DDX11: variants seen among roughly 807,000 people sequenced by gnomAD.
The protein encoded by DDX11 is DEAD/H-box helicase 11, also known as ATP-dependent DNA helicase DDX11.
In DDX11, 72 loss-of-function variants were observed where a neutral mutation model predicts 125.2. The observed-to-expected ratio is 0.58, with a 90% CI of 0.48 to 0.70. DDX11 has a LOEUF of 0.70. Among genes scored for constraint, DDX11 ranks in the 30% least tolerant of loss-of-function variants. The pLI is 0.00. For synonymous variants in DDX11, 347 were observed against 452.6 expected (o/e 0.77, Z 2.96); for missense variants, 883 against 1,165.0 (o/e 0.76, Z 3.52).
intron 5 of DDX11, among the ~76,000 whole-genome samples, chr12:31,086,760 C>A (rs189806214): frequency 1.4e-5 from 2 of 144,522 alleles, no homozygotes; most frequent in Non-Finnish European, 3.0e-5. Flanking sequence ...CAGGAGATAA[C>A]GTGAGCCTCG....
chr12:31,093,001 G>A lies in DDX11; in HGVS notation c.1289+109G>A, dbSNP rs573592859. On this transcript the variant is annotated intron_variant, in intron 11 of 26. Coordinates refer to ENST00000542838, the MANE Select transcript of DDX11 (RefSeq NM_030653.4). ...TCCCACCTCTGGCCCGGGCTGTGGC[G>A]GGGTGGAGCTGCATGCCATTCATGT... 188 of 1,332,666 alleles carry A rather than the reference G, an allele frequency of 1.4e-4. No homozygotes were observed. The African/African-American group carries it at 1.9e-3, about 14-fold the overall frequency. 82.6% of individuals were successfully genotyped at this position (1,332,666 alleles called of 1,614,324 possible).
Position 31,103,646 on chromosome 12 carries a change from C to G in DDX11, c.2606C>G (p.Pro869Arg). Reference protein sequence around the residue: ...VLLDQRYARPPVLAKLPAWIR... With the variant: ...VLLDQRYARPRVLAKLPAWIR... ...CTGGACCAGCGATATGCCCGGCCCCCTGTCCTGGCCAAGCTGCCGGCCTGG... is the reference window on the plus strand; with the variant it reads ...CTGGACCAGCGATATGCCCGGCCCCGTGTCCTGGCCAAGCTGCCGGCCTGG... Residue 869 changes from proline (P) to arginine (R), a missense_variant, in exon 26 of 27, where the codon CCT (proline) becomes CGT (arginine). This residue lies in a region of DDX11 where 285 missense variants were observed against 346.0 expected (regional missense o/e 0.82). Transcript: ENST00000542838. 1.9e-6 allele frequency: 3 copies of G among 1,614,136 alleles called. No homozygotes were observed. Among genetic ancestry groups the G allele is most frequent in the Non-Finnish European group, 2.5e-6 (3 of 1,180,034 alleles).
intron 5 of DDX11, among the ~76,000 whole-genome samples, chr12:31,087,110 C>T (rs1323041115): frequency 1.3e-5 from 2 of 150,026 alleles, no homozygotes; most frequent in African/African-American, 5.0e-5. Context: ...AGCTTCAGGC[C>T]ATGGGATGCA....
In DDX11 at chr12:31,103,937, G is replaced by A; in HGVS notation, c.*101G>A. Reference sequence around the variant, plus strand: ...TGGTCTGCGGGGATCCTGTTACAAAGGTGAAACCCAGGAGGAGAGTGTGGA... The same window carrying A: ...TGGTCTGCGGGGATCCTGTTACAAAAGTGAAACCCAGGAGGAGAGTGTGGA... On this transcript the variant is annotated 3_prime_UTR_variant, in exon 27 of 27. Coordinates refer to ENST00000542838, the MANE Select transcript of DDX11 (RefSeq NM_030653.4). 6.2e-7 allele frequency: 1 copy of A among 1,612,220 alleles called. No homozygotes were observed. The highest frequency in any genetic ancestry group is 1.1e-5 in the South Asian group (1 of 90,836).
rs1026137682 is a variant in DDX11 at position 31,073,894 on chromosome 12, C to G, written c.-202C>G. 6.6e-6 allele frequency: 1 copy of G among 152,274 alleles called. No homozygotes were observed. Among genetic ancestry groups the G allele is most frequent in the African/African-American group, 2.4e-5 (1 of 41,472 alleles). The allele number at this position is 152,274 out of a possible 1,614,324, so 9.4% of individuals were successfully genotyped here. A position where few individuals can be genotyped will look rare whatever the true frequency, so the allele number is the denominator to read the frequency against. ...GCTGCCTTTCACTGAGGGGACCCGC[C>G]AGTTTCTAACTCAGTGGCGTTTGCC... On this transcript the variant is annotated 5_prime_UTR_variant, in exon 1 of 27. Transcript: ENST00000542838.
At chr12:31,088,438 C>A (rs1176222489) in intron 6 of DDX11, among the ~76,000 whole-genome samples, 1 of 152,166 alleles carries the variant, frequency 6.6e-6, no homozygotes, top group Non-Finnish European at 1.5e-5. Context: ...GAGTCCCCTG[C>A]CCTTTGGGTC....
Position 31,090,092 on chromosome 12 carries a change from C to T in DDX11, c.1087C>T (p.Gln363Ter). Residue 363 changes from glutamine (Q) to a stop codon, truncating the protein, a stop_gained and splice_region_variant, in exon 9 of 27, where the codon CAG (glutamine) becomes TAG (stop). Coordinates refer to ENST00000542838, the MANE Select transcript of DDX11 (RefSeq NM_030653.4). LOFTEE classifies it high-confidence loss of function. ...GAGCCGCCTTGCCATCCCTGCAGCC[C>T]AGGTGAGGGCCCTGCAGGGCCAGAA... Reference protein sequence around the residue: ...YGSRLAIPAAQLVVLPYQMLL... With the variant: ...YGSRLAIPAA 6.5e-7 allele frequency: 1 copy of T among 1,545,494 alleles called. No individual in the cohort carries two copies. The highest frequency in any genetic ancestry group is 8.7e-7 in the Non-Finnish European group (1 of 1,143,070).
Position 31,093,235 on chromosome 12 carries a change from T to G in DDX11, c.1290-10T>G. ...GCACCACCACTTAATGTCCGTTGGCTTCTTCTCAGGAAGCGTTTGAAGGCC... is the reference window on the plus strand; with the variant it reads ...GCACCACCACTTAATGTCCGTTGGCGTCTTCTCAGGAAGCGTTTGAAGGCC... On this transcript the variant is annotated splice_polypyrimidine_tract_variant and intron_variant, in intron 11 of 26. Coordinates refer to ENST00000542838, the MANE Select transcript of DDX11 (RefSeq NM_030653.4). 1.9e-6 allele frequency: 3 copies of G among 1,611,530 alleles called. No homozygotes were observed. The highest frequency in any genetic ancestry group is 2.5e-6 in the Non-Finnish European group (3 of 1,178,598).
At chr12:31,086,258 T>C (rs61917214) in intron 5 of DDX11, 114 of 426,838 alleles carry the variant, frequency 2.7e-4, no homozygotes, top group African/African-American at 2.0e-3. Context: ...GTTTTGCTCA[T>C]GCACCTGCTT....
intron 1 of DDX11, chr12:31,077,082 G>C (rs1202968254): frequency 1.3e-5 from 2 of 152,172 alleles, no homozygotes; most frequent in African/African-American, 4.8e-5. Context: ...AAGTTATAAA[G>C]ATGGGCTCTC....
chr12:31,084,945 A>C (rs2543266), intron 4 of DDX11, 24 bp from the exon 5 acceptor site: 13 of 1,592,212 alleles, frequency 8.2e-6, no homozygotes, highest in African/African-American at 2.7e-5. Flanking sequence ...TTCCTCCCTC[A>C]CCACCTCCAC....
At chr12:31,076,014 C>A (rs921322414) in intron 1 of DDX11, among the ~76,000 whole-genome samples, 7 of 151,558 alleles carry the variant, frequency 4.6e-5, no homozygotes, top group African/African-American at 1.7e-4. Context: ...AGGAGGACTC[C>A]TTCTCCAGGC....
At chr12:31,087,606 C>T (rs2140634533) in intron 5 of DDX11, 1 of 415,818 alleles carries the variant, frequency 2.4e-6, no homozygotes, top group Non-Finnish European at 4.5e-6. Flanking sequence ...AAATATCCGC[C>T]CTGGGGCCTC....
rs755982708 is a variant in DDX11, at chr12:31,102,538, G to T, written c.2372+11G>T. 4 of 1,611,750 alleles carry T rather than the reference G, an allele frequency of 2.5e-6. No homozygotes were observed. In the South Asian group the frequency reaches 4.4e-5, roughly 18 times the overall value. On this transcript the variant is annotated intron_variant, in intron 23 of 26. Transcript: ENST00000542838. Reference sequence around the variant, plus strand: ...TGACAACCTAGGCCGGTAAGTAGTGGTTCTGCTCGTCTCCTGGGCCGTGAT... The same window carrying T: ...TGACAACCTAGGCCGGTAAGTAGTGTTTCTGCTCGTCTCCTGGGCCGTGAT...
At chr12:31,076,095 CCAGTG>C (rs1180538458) in intron 1 of DDX11, among the ~76,000 whole-genome samples, 25 of 152,174 alleles carry the variant, frequency 1.6e-4, no homozygotes, top group African/African-American at 5.3e-4. Context: ...CTCAGGCTGA[CCAGTG>C]CTCTGTCTTG....
At chr12:31,096,214 A>G (rs1443441401) in intron 14 of DDX11, 127 bp from the exon 15 acceptor site, 1 of 1,164,780 alleles carries the variant, frequency 8.6e-7, no homozygotes, top group Non-Finnish European at 1.2e-6. Context: ...AGGAGGCTCC[A>G]GGTGCCTCAG....
At chr12:31,074,616 G>A (rs891670163) in intron 1 of DDX11, among the ~76,000 whole-genome samples, 1 of 152,226 alleles carries the variant, frequency 6.6e-6, no homozygotes, top group African/African-American at 2.4e-5. Context: ...GCGAGCTCAG[G>A]ATGCACGTTG....
chr12:31,095,784 C>G (rs1945115862), intron 14 of DDX11, among the ~76,000 whole-genome samples: 1 of 152,160 alleles, frequency 6.6e-6, no homozygotes, highest in Non-Finnish European at 1.5e-5. Context: ...TTCCTTCTCC[C>G]CTCTTCTTCC....
intron 5 of DDX11, among the ~76,000 whole-genome samples, chr12:31,085,509 C>T (rs569637008): frequency 3.9e-5 from 6 of 152,360 alleles, no homozygotes; most frequent in Admixed American, 3.9e-4. Context: ...CAGCTGACTG[C>T]ACTGGGTAAC....
Sources: gnomAD v4.1 joint callset for allele counts (sites outside exome capture counted in the v4.1 genomes callset) on GRCh38, gnomAD v4.1.1 for gene constraint, gnomAD v4.1.1 regional missense constraint, MANE v1.5 for transcripts, NCBI Gene and HGNC (gene_info 2026-07-23, HGNC 2026-07-21) for gene names.